Variants in BICD2 observed in about 807,000 individuals in gnomAD.
BICD2 encodes BICD cargo adaptor 2.
BICD2 carries 25 observed loss-of-function variants against 72.9 expected under a neutral mutation model. The observed-to-expected ratio is 0.34, with a 90% CI of 0.25 to 0.48. The LOEUF is 0.48. Ranked by LOEUF, BICD2 falls within the 20% of genes least tolerant of loss-of-function variation. BICD2 has a pLI of 0.99. For missense variants in BICD2, 894 were observed against 1,175.2 expected, an observed-to-expected ratio of 0.76 and a Z score of 3.50; for synonymous variants, 501 against 516.1, an observed-to-expected ratio of 0.97 and a Z score of 0.40.
At chr9:92,735,293 G>T (rs943101911) in intron 1 of BICD2, among the ~76,000 whole-genome samples, 8 of 152,146 alleles carry the variant, frequency 5.3e-5, no homozygotes, top group African/African-American at 1.9e-4. Flanking sequence ...CATTAGGGAG[G>T]CCAGGTCCTG....
chr9:92,731,933 C>CT (rs574037463), intron 1 of BICD2, among the ~76,000 whole-genome samples: 31 of 152,368 alleles, frequency 2.0e-4, no homozygotes, highest in African/African-American at 7.2e-4. Flanking sequence ...TGGATTAAAT[C>CT]TGCTCTGATA....
At chr9:92,761,347 G>A (rs1054602854) in intron 1 of BICD2, among the ~76,000 whole-genome samples, 3 of 152,188 alleles carry the variant, frequency 2.0e-5, no homozygotes, top group African/African-American at 4.8e-5. Context: ...GAAGACCTAC[G>A]AAGCACTTGC....
intron 1 of BICD2, among the ~76,000 whole-genome samples, chr9:92,742,917 T>C (rs747907724): frequency 1.3e-5 from 2 of 152,240 alleles, no homozygotes; most frequent in Non-Finnish European, 2.9e-5. Context: ...TCAAATAATA[T>C]TCCATTGTAT....
At chr9:92,743,933 T>C (rs528474214) in intron 1 of BICD2, among the ~76,000 whole-genome samples, 1 of 152,328 alleles carries the variant, frequency 6.6e-6, no homozygotes, top group African/African-American at 2.4e-5. Flanking sequence ...CAGAAAGAGC[T>C]ACTGTGACAT....
At chr9:92,716,793 C>T (rs1441460054) in intron 6 of BICD2, among the ~76,000 whole-genome samples, 5 of 152,210 alleles carry the variant, frequency 3.3e-5, no homozygotes, top group Non-Finnish European at 7.3e-5. Context: ...TAGGGAGCCT[C>T]GATTCCCAGC....
Position 92,714,176 on chromosome 9 carries a change from A to C in BICD2, c.*978T>G. On this transcript the variant is annotated 3_prime_UTR_variant, in exon 7 of 7. Transcript: ENST00000356884. ...CCCTGGCCCTATGCAAAGCTTTCCC[A>C]GCACCGGGCTGGGCTCTGGATACAC... 1.0e-6 allele frequency: 1 copy of C among 985,574 alleles called. No individual in the cohort carries two copies. The highest frequency in any genetic ancestry group is 1.2e-6 in the Non-Finnish European group (1 of 830,028). The allele number at this position is 985,574 out of a possible 1,614,324, so 61.1% of individuals were successfully genotyped here.
chr9:92,743,484 C>T (rs377744824), intron 1 of BICD2, among the ~76,000 whole-genome samples: 51 of 151,942 alleles, frequency 3.4e-4, no homozygotes, highest in Non-Finnish European at 5.9e-4. Context: ...CACAAGATAC[C>T]GTGTTCAGCC....
chr9:92,752,865 G>C (rs1171564444), intron 1 of BICD2, among the ~76,000 whole-genome samples: 1 of 152,222 alleles, frequency 6.6e-6, no homozygotes, highest in Non-Finnish European at 1.5e-5. Context: ...AATTTATGTA[G>C]ATAGCACCCT....
At position 92,764,801 on chromosome 9, in the gene BICD2, A is replaced by AGCCGCC. The variant is rs562094219; in HGVS notation, c.-63_-58dup. 0.021 allele frequency: 25,702 copies of AGCCGCC among 1,235,014 alleles called. 1,877 individuals carry two copies. In the East Asian group the frequency reaches 0.26, roughly 13 times the overall value. The allele number at this position is 1,235,014 out of a possible 1,614,324, so 76.5% of individuals were successfully genotyped here. A position where few individuals can be genotyped will look rare whatever the true frequency, so the allele number is the denominator to read the frequency against. ...GGCTCTCGCAGGCCGGGCCCTCCTC[A>AGCCGCC]GCCGCCGCCGCTGCCGCCGCCGCCG... is the stretch of plus-strand genomic sequence containing the variant. On this transcript the variant is annotated 5_prime_UTR_variant, in exon 1 of 7. Transcript: ENST00000356884. The surrounding 1 kb of genome is among the most constrained non-coding windows in gnomAD (Gnocchi z 5.5).
At chr9:92,729,396 G>C (rs1853635812) in intron 1 of BICD2, among the ~76,000 whole-genome samples, 160 bp from the exon 2 acceptor site, 1 of 152,250 alleles carries the variant, frequency 6.6e-6, no homozygotes, top group Non-Finnish European at 1.5e-5. Flanking sequence ...TGCATCTGTG[G>C]CGTGCACTGT....
At position 92,718,912 on chromosome 9, in the gene BICD2, C is replaced by T. The variant is rs776528966; in HGVS notation, c.1733G>A (p.Arg578His). ...TAGGAGGATGGGTGAGCGCCGGCCA[C>T]GCGCCTCGGGGCTGGTGCGGCCCCC... is the stretch of plus-strand genomic sequence containing the variant. ...SPGGRTSPEA[R>H]GRRSPILLPK... The change falls in exon 5 of 7, where the codon CGT becomes CAT. Residue 578 changes from arginine (R) to histidine (H), a missense_variant. Around this residue, in one of 5 missense-constraint regions of BICD2, gnomAD observed 321 missense variants for 443.9 expected, o/e 0.72. Transcript: ENST00000356884. 2.4e-5 allele frequency: 38 copies of T among 1,603,758 alleles called. 1 individual carries two copies. Among genetic ancestry groups the T allele is most frequent in the Admixed American group, 1.0e-4 (6 of 59,038 alleles).
chr9:92,750,608 G>A (rs541621941), intron 1 of BICD2, among the ~76,000 whole-genome samples: 1 of 152,062 alleles, frequency 6.6e-6, no homozygotes, highest in Admixed American at 6.5e-5. Flanking sequence ...ATGGTAAAAA[G>A]ATCAGTGGTT....
chr9:92,728,107 G>A (rs1221774661), intron 2 of BICD2, among the ~76,000 whole-genome samples: 4 of 152,156 alleles, frequency 2.6e-5, no homozygotes, highest in African/African-American at 9.7e-5. Flanking sequence ...CCAGTGGATG[G>A]AGACTCCTGG....
intron 1 of BICD2, among the ~76,000 whole-genome samples, chr9:92,739,553 C>G (rs1853857162): frequency 6.6e-6 from 1 of 152,214 alleles, no homozygotes; most frequent in East Asian, 1.9e-4. Flanking sequence ...ACTTGGCAGG[C>G]AGGGAGGCAA....
At chr9:92,760,488 C>T (rs1367929357) in intron 1 of BICD2, among the ~76,000 whole-genome samples, 5 of 152,200 alleles carry the variant, frequency 3.3e-5, no homozygotes, top group South Asian at 2.1e-4. Context: ...GAAGAAACAG[C>T]ACCAGGGCTC....
intron 1 of BICD2, among the ~76,000 whole-genome samples, chr9:92,748,411 C>T (rs979837498): frequency 1.4e-4 from 21 of 152,152 alleles, no homozygotes; most frequent in African/African-American, 4.1e-4. Context: ...GTAAACACTC[C>T]TGAGACTGAT....
At chr9:92,758,891 G>T (rs894566078) in intron 1 of BICD2, among the ~76,000 whole-genome samples, 1 of 151,410 alleles carries the variant, frequency 6.6e-6, no homozygotes, top group Non-Finnish European at 1.5e-5. Context: ...AGGCGTGGTA[G>T]CTCACATCTC....
Position 92,719,370 on chromosome 9 carries a change from G to A in BICD2, c.1275C>T (p.Tyr425=), listed in dbSNP as rs935781079. Residue 425 remains tyrosine (Y), a synonymous_variant, in exon 5 of 7, where the codon TAC becomes TAT. Coordinates refer to ENST00000356884, the MANE Select transcript of BICD2 (RefSeq NM_001003800.2). ...TCTCAGGCCCGTTGATGTCCACCTC[G>A]TAGTAGTCCCCATCCTCATGGCTGT... The part of the protein sequence containing the change: ...DRDSHEDGDY[Y]EVDINGPEIL... 16 of 1,614,082 alleles carry A rather than the reference G, an allele frequency of 9.9e-6. No homozygotes were observed. Among genetic ancestry groups the A allele is most frequent in the Middle Eastern group, 1.6e-4 (1 of 6,084 alleles).
Position 92,720,523 on chromosome 9 carries a change from A to G in BICD2, c.839T>C (p.Leu280Pro). The G allele has an allele frequency of 1.2e-6, 2 of 1,614,232 alleles. No homozygotes were observed. The highest frequency in any genetic ancestry group is 1.7e-6 in the Non-Finnish European group (2 of 1,180,044). ...ATCGTCACTGAACTTGAGGCCATCC[A>G]GCGAGACATGCAGGTGGCTGGTGTA... ...SFYTSHLHVSLDGLKFSDDAA... is the reference protein window; with the variant it reads ...SFYTSHLHVSPDGLKFSDDAA... The change falls in exon 4 of 7, where the codon CTG becomes CCG. Residue 280 changes from leucine to proline, a missense_variant. Around this residue, in one of 5 missense-constraint regions of BICD2, gnomAD observed 371 missense variants for 439.1 expected, o/e 0.84. Transcript: ENST00000356884. This position sits in a 1 kb window ranked among gnomAD's most constrained non-coding sequence, Gnocchi z 5.4.
Sources: gnomAD v4.1 joint callset for allele counts (sites outside exome capture counted in the v4.1 genomes callset) on GRCh38, gnomAD v4.1.1 for gene constraint, gnomAD v4.1.1 regional missense constraint, Gnocchi (gnomAD v3.1) non-coding constraint, MANE v1.5 for transcripts, NCBI Gene and HGNC (gene_info 2026-07-23, HGNC 2026-07-21) for gene names.